Variants in ATRNL1 observed in about 807,000 individuals in gnomAD.
ATRNL1 encodes attractin like 1, also known as attractin-like protein 1.
Under a neutral mutation model 182.7 loss-of-function variants are expected in ATRNL1, and 95 were observed. The ratio of observed to expected loss-of-function variants is 0.52; its 90% CI spans 0.44 to 0.62. The LOEUF (loss-of-function observed/expected upper bound fraction) is 0.62, where lower values mean the gene tolerates loss of function less well. Ranked by LOEUF, ATRNL1 falls within the 20% of genes least tolerant of loss-of-function variation. ATRNL1 has a pLI of 0.00. For missense variants in ATRNL1, 1,471 were observed against 1,679.5 expected, an observed-to-expected ratio of 0.88 and a Z score of 2.17; for synonymous variants, 576 against 568.3, an observed-to-expected ratio of 1.01 and a Z score of -0.19.
chr10:115,643,572 A>G (rs538219874), intron 26 of ATRNL1, among the ~76,000 whole-genome samples: 1 of 152,196 alleles, frequency 6.6e-6, no homozygotes, highest in African/African-American at 2.4e-5. Flanking sequence ...TCTAAAATAT[A>G]TAAAGGATTC....
Position 115,141,777 on chromosome 10 carries a change from C to T in ATRNL1, c.829+12242C>T, listed in dbSNP as rs569822658. Among the ~76,000 whole-genome samples, 22 of 152,124 alleles carry T rather than the reference C, an allele frequency of 1.4e-4. No homozygotes were observed. The East Asian group carries it at 2.7e-3, about 19-fold the overall frequency. ...GAGGAGGGAGAAGTGACAGGTAATGCGTTTAATTCCGTTAAATTCTTCCCA... is the reference window on the plus strand; with the variant it reads ...GAGGAGGGAGAAGTGACAGGTAATGTGTTTAATTCCGTTAAATTCTTCCCA... On this transcript the variant is annotated intron_variant, in intron 5 of 28. Transcript: ENST00000355044.
chr10:115,776,868 G>A (rs1006104989), intron 27 of ATRNL1, among the ~76,000 whole-genome samples: 10 of 152,140 alleles, frequency 6.6e-5, no homozygotes, highest in African/African-American at 2.2e-4. Context: ...TAAGAGTGCA[G>A]GAGAAGGGCC....
chr10:115,842,626 G>A (rs1374471002), intron 27 of ATRNL1, among the ~76,000 whole-genome samples: 1 of 152,046 alleles, frequency 6.6e-6, no homozygotes, highest in African/African-American at 2.4e-5. Flanking sequence ...AGTCAGAAAT[G>A]GGGTAGGTAT....
At chr10:115,723,861 A>G (rs115292555) in intron 26 of ATRNL1, among the ~76,000 whole-genome samples, 3,941 of 152,204 alleles carry the variant, frequency 0.026, 174 homozygotes, top group African/African-American at 0.089. Flanking sequence ...CCTGATTTTC[A>G]TATCATTTTT....
chr10:115,133,887 A>G (rs1194152522), intron 5 of ATRNL1, among the ~76,000 whole-genome samples: 56 of 150,656 alleles, frequency 3.7e-4, no homozygotes, highest in African/African-American at 1.3e-3. Context: ...CTCAGGATTA[A>G]GAAACTCACT....
intron 20 of ATRNL1, 93 bp downstream of exon 20, chr10:115,394,845 A>C: frequency 1.1e-6 from 1 of 924,026 alleles, no homozygotes. Context: ...GTGTTGTGCT[A>C]GTTAGGCATA....
chr10:115,778,485 G>T (rs1555078485), intron 27 of ATRNL1, among the ~76,000 whole-genome samples: 6 of 152,204 alleles, frequency 3.9e-5, no homozygotes, highest in Non-Finnish European at 4.4e-5. Flanking sequence ...TCTTTAAAGA[G>T]CAATAAGTAG....
intron 27 of ATRNL1, among the ~76,000 whole-genome samples, chr10:115,776,623 G>T (rs962125657): frequency 6.4e-5 from 9 of 141,416 alleles, no homozygotes; most frequent in African/African-American, 2.5e-4. Flanking sequence ...GAAGCTAGAG[G>T]CTCGTACATC....
At position 115,129,238 on chromosome 10, in the gene ATRNL1, A is replaced by T. The variant is rs552984781; in HGVS notation, c.621-89A>T. On this transcript the variant is annotated intron_variant, in intron 4 of 28. Transcript: ENST00000355044. ...TTACATTTATAAGCACATAGGACAC[A>T]GTATAAAAATTATAAAGTTTATGAT... 20 of 873,022 alleles carry T rather than the reference A, an allele frequency of 2.3e-5. No homozygotes were observed. In the African/African-American group the frequency reaches 3.2e-4, roughly 14 times the overall value. 54.1% of individuals were successfully genotyped at this position (873,022 alleles called of 1,614,324 possible).
chr10:115,471,974 A>G (rs1554972222), intron 24 of ATRNL1, among the ~76,000 whole-genome samples: 1 of 150,968 alleles, frequency 6.6e-6, no homozygotes, highest in Non-Finnish European at 1.5e-5. Flanking sequence ...GGATTTTTAT[A>G]ATTACAGGTC....
intron 1 of ATRNL1, among the ~76,000 whole-genome samples, chr10:115,094,511 A>G (rs976398851): frequency 3.9e-5 from 6 of 152,204 alleles, no homozygotes; most frequent in Admixed American, 3.3e-4. Context: ...TCTTCTCTCT[A>G]GAGGTGACCC....
chr10:115,834,782 C>T (rs1159093270), intron 27 of ATRNL1, among the ~76,000 whole-genome samples: 6 of 152,272 alleles, frequency 3.9e-5, no homozygotes, highest in African/African-American at 7.2e-5. Context: ...AATGAATTCT[C>T]CTCTGCTGTG....
chr10:115,126,089 C>T (rs782249578), intron 3 of ATRNL1, among the ~76,000 whole-genome samples: 2 of 152,214 alleles, frequency 1.3e-5, no homozygotes, highest in African/African-American at 4.8e-5. Context: ...GACGGAGTCT[C>T]GCTCTGTCAC....
At chr10:115,353,895 C>G (rs182143243) in intron 19 of ATRNL1, among the ~76,000 whole-genome samples, 24 of 152,288 alleles carry the variant, frequency 1.6e-4, no homozygotes, top group Admixed American at 1.2e-3. Flanking sequence ...CTCCCTCCTA[C>G]TTTTTGACTT....
chr10:115,804,664 C>G (rs184272052), intron 27 of ATRNL1, among the ~76,000 whole-genome samples: 10 of 152,224 alleles, frequency 6.6e-5, no homozygotes, highest in African/African-American at 2.2e-4. Flanking sequence ...CTGACGGAGA[C>G]ACATGCGTAC....
At chr10:115,539,601 G>T (rs1415848281) in intron 25 of ATRNL1, among the ~76,000 whole-genome samples, 2 of 152,198 alleles carry the variant, frequency 1.3e-5, no homozygotes, top group Admixed American at 1.3e-4. Flanking sequence ...GGCCCATGAT[G>T]TGGAAAAGGG....
At chr10:115,381,462 G>GTTTTTTT (rs1554951065) in intron 19 of ATRNL1, among the ~76,000 whole-genome samples, 2 of 42,504 alleles carry the variant, frequency 4.7e-5, no homozygotes, top group Non-Finnish European at 1.2e-4. Flanking sequence ...TAGACATGGG[G>GTTTTTTT]TTTCTTCACC....
chr10:115,416,282 T>G (rs1430956708), intron 20 of ATRNL1, among the ~76,000 whole-genome samples: 1 of 152,130 alleles, frequency 6.6e-6, no homozygotes, highest in Non-Finnish European at 1.5e-5. Flanking sequence ...ATTTATTTCA[T>G]TAGCTTTTTG....
intron 1 of ATRNL1, among the ~76,000 whole-genome samples, chr10:115,110,693 A>G (rs1844218977): frequency 6.6e-6 from 1 of 152,220 alleles, no homozygotes. Flanking sequence ...GGGCATATTT[A>G]GCAATACATA....
Sources: allele counts gnomAD v4.1 joint callset (sites outside exome capture counted in the v4.1 genomes callset), GRCh38; gene constraint gnomAD v4.1.1; transcripts MANE v1.5; gene names NCBI Gene and HGNC (gene_info 2026-07-23, HGNC 2026-07-21).